UHRF1: variants seen among roughly 807,000 people sequenced by gnomAD.
UHRF1 encodes ubiquitin like with PHD and ring finger domains 1.
A neutral mutation model predicts 96.5 loss-of-function variants in UHRF1; 9 were observed. The observed-to-expected ratio is 0.09, with a 90% CI of 0.06 to 0.16. The LOEUF (loss-of-function observed/expected upper bound fraction) is 0.16, where lower values mean the gene tolerates loss of function less well. UHRF1 is among the 10% of genes least tolerant of loss of function. The pLI is 1.00. For synonymous variants in UHRF1, 455 were observed against 469.9 expected (o/e 0.97, Z 0.41); for missense variants, 626 against 1,131.1 (o/e 0.55, Z 6.40).
chr19:4,949,720 G>A (rs1374550238), intron 11 of UHRF1, among the ~76,000 whole-genome samples: 1 of 152,048 alleles, frequency 6.6e-6, no homozygotes, highest in African/African-American at 2.4e-5. Context: ...TGGGCCTATA[G>A]TCCCAGCTTG....
upstream of UHRF1, among the ~76,000 whole-genome samples, chr19:4,908,515 C>T (rs573985002): frequency 7.9e-5 from 12 of 152,218 alleles, no homozygotes; most frequent in East Asian, 2.3e-3. Context: ...CCTTCCTGCT[C>T]CCTGGACACC....
In UHRF1 at chr19:4,954,563, G is replaced by C; in HGVS notation, c.1957+75G>C. ...GTGGGCATCTCGCGGGTGTGGGGTT[G>C]AGGTCGTGTGGACGTGGGAGCCGGT... On this transcript the variant is annotated intron_variant, in intron 14 of 16. Transcript: ENST00000650932. The surrounding 1 kb of genome is among the most constrained non-coding windows in gnomAD (Gnocchi z 5.9). 1 of 1,586,442 alleles carries C rather than the reference G, an allele frequency of 6.3e-7. No individual in the cohort carries two copies. Among genetic ancestry groups the C allele is most frequent in the African/African-American group, 1.3e-5 (1 of 74,482 alleles).
chr19:4,949,375 T>C (rs2033656205), intron 11 of UHRF1, among the ~76,000 whole-genome samples: 2 of 151,418 alleles, frequency 1.3e-5, no homozygotes. Context: ...CTTGTCACTC[T>C]AACTCCGCTT....
rs146079052 is a variant in UHRF1 at position 4,936,171 on chromosome 19, C to T, written c.785+3215C>T. Among the ~76,000 whole-genome samples, 837 of 152,274 alleles carry T rather than the reference C, an allele frequency of 5.5e-3. 5 individuals carry two copies. Among genetic ancestry groups the T allele is most frequent in the African/African-American group, 0.019 (799 of 41,558 alleles). The stretch of plus-strand genomic sequence containing the variant: ...GCCTTGGGGCAGACACTGTCCCTTG[C>T]CAGCCCCATGGGAGCTTCCAGGGAT... On this transcript the variant is annotated intron_variant, in intron 5 of 16. Transcript: ENST00000650932.
chr19:4,905,777 A>G (rs2146265786), upstream of UHRF1, among the ~76,000 whole-genome samples: 1 of 152,222 alleles, frequency 6.6e-6, no homozygotes, highest in South Asian at 2.1e-4. Flanking sequence ...TTGGCCTCCC[A>G]AAGTTCTGGG....
intron 5 of UHRF1, among the ~76,000 whole-genome samples, chr19:4,938,181 T>C (rs2033273197): frequency 6.6e-6 from 1 of 151,938 alleles, no homozygotes; most frequent in African/African-American, 2.4e-5. Flanking sequence ...AGGGAAGCTT[T>C]ACTGAGGCCA....
chr19:4,911,852 G>C (rs1465251040), intron 2 of UHRF1, among the ~76,000 whole-genome samples: 1 of 152,076 alleles, frequency 6.6e-6, no homozygotes, highest in East Asian at 1.9e-4. Flanking sequence ...TGCTGGAGTT[G>C]GTTGGACCGT....
At chr19:4,938,808 C>T (rs960529742) in intron 5 of UHRF1, among the ~76,000 whole-genome samples, 1 of 134,464 alleles carries the variant, frequency 7.4e-6, no homozygotes, top group African/African-American at 2.8e-5. Context: ...CAATGGCAAG[C>T]TCTCAGTTCA....
chr19:4,908,622 TGA>T (rs370963279), upstream of UHRF1, among the ~76,000 whole-genome samples: 43 of 152,304 alleles, frequency 2.8e-4, 1 homozygote, highest in African/African-American at 1.0e-3. Context: ...TCATCTTCTC[TGA>T]GAGGCCCACC....
Position 4,954,232 on chromosome 19 carries a change from G to A in UHRF1, c.1819-118G>A. Reference sequence around the variant, plus strand: ...GGAGGACTACCCTGTGCTCTTCAGGGGGATTGGGGGTCAGGTGTGTCTGGA... The same window carrying A: ...GGAGGACTACCCTGTGCTCTTCAGGAGGATTGGGGGTCAGGTGTGTCTGGA... On this transcript the variant is annotated intron_variant, in intron 13 of 16. Coordinates refer to ENST00000650932, the MANE Select transcript of UHRF1 (RefSeq NM_001048201.3). The surrounding 1 kb of genome is among the most constrained non-coding windows in gnomAD (Gnocchi z 5.9). 3.4e-6 allele frequency: 5 copies of A among 1,474,940 alleles called. No individual in the cohort carries two copies. Among genetic ancestry groups the A allele is most frequent in the Non-Finnish European group, 4.6e-6 (5 of 1,093,538 alleles). 91.4% of individuals were successfully genotyped at this position (1,474,940 alleles called of 1,614,324 possible). A position where few individuals can be genotyped will look rare whatever the true frequency, so the allele number is the denominator to read the frequency against.
At chr19:4,956,879 C>G (rs752708889) in intron 16 of UHRF1, 66 bp downstream of exon 16, 1 of 1,101,360 alleles carries the variant, frequency 9.1e-7, no homozygotes, top group Admixed American at 2.0e-5. Flanking sequence ...CTCCCGTTCC[C>G]ACATGCCTGC....
At chr19:4,952,506 A>T (rs893149067) in intron 13 of UHRF1, among the ~76,000 whole-genome samples, 4 of 141,840 alleles carry the variant, frequency 2.8e-5, no homozygotes, top group African/African-American at 1.1e-4. Flanking sequence ...CGACTCTCTC[A>T]TCTCAGCCTC....
chr19:4,933,746 C>G (rs1019133761), intron 5 of UHRF1, among the ~76,000 whole-genome samples: 1 of 152,180 alleles, frequency 6.6e-6, no homozygotes, highest in African/African-American at 2.4e-5. Flanking sequence ...AGTCCACAGG[C>G]CTGCTGTGGT....
At chr19:4,937,070 CTT>C (rs1337470029) in intron 5 of UHRF1, among the ~76,000 whole-genome samples, 1 of 151,888 alleles carries the variant, frequency 6.6e-6, no homozygotes, top group Non-Finnish European at 1.5e-5. Context: ...GTCTCGCTCT[CTT>C]TTGTTCTCCA....
rs2033023774 is a variant in UHRF1, at chr19:4,930,775, G to A, written c.468G>A (p.Val156=). The A allele has an allele frequency of 6.2e-7, 1 of 1,614,002 alleles. No homozygotes were observed. Among genetic ancestry groups the A allele is most frequent in the Non-Finnish European group, 8.5e-7 (1 of 1,179,892 alleles). ...TNMGAWFEAQ[V]VRVTRKAPSR... Reference sequence around the variant, plus strand: ...TGGGGGCGTGGTTTGAGGCGCAGGTGGTCAGGGTGACGCGGAAGGCCCCCT... The same window carrying A: ...TGGGGGCGTGGTTTGAGGCGCAGGTAGTCAGGGTGACGCGGAAGGCCCCCT... Residue 156 remains valine (V), a synonymous_variant, in exon 4 of 17, where the codon GTG becomes GTA. Coordinates refer to ENST00000650932, the MANE Select transcript of UHRF1 (RefSeq NM_001048201.3). This position sits in a 1 kb window ranked among gnomAD's most constrained non-coding sequence, Gnocchi z 4.4.
intron 2 of UHRF1, among the ~76,000 whole-genome samples, chr19:4,911,522 A>G (rs1218428488): frequency 6.6e-6 from 1 of 152,034 alleles, no homozygotes; most frequent in African/African-American, 2.4e-5. Context: ...GCTTATTCAG[A>G]GTCTGGAGAT....
chr19:4,916,346 C>T (rs1194542033), intron 2 of UHRF1, among the ~76,000 whole-genome samples: 1 of 151,858 alleles, frequency 6.6e-6, no homozygotes, highest in Non-Finnish European at 1.5e-5. Flanking sequence ...CTGAGAAATT[C>T]AGAGCACAAG....
intron 15 of UHRF1, among the ~76,000 whole-genome samples, chr19:4,955,110 C>T (rs2033822928): frequency 1.3e-5 from 2 of 152,214 alleles, no homozygotes; most frequent in South Asian, 4.1e-4. Flanking sequence ...CCAGCTCCGG[C>T]ACCCCCTGCC....
At chr19:4,903,864 C>A (rs752599277) in intron 1 of UHRF1, among the ~76,000 whole-genome samples, 1 of 152,176 alleles carries the variant, frequency 6.6e-6, no homozygotes, top group East Asian at 1.9e-4. Flanking sequence ...TTGGAAAAAA[C>A]ATAGAGATAT....
Sources: gnomAD v4.1 joint callset for allele counts (sites outside exome capture counted in the v4.1 genomes callset) on GRCh38, gnomAD v4.1.1 for gene constraint, Gnocchi (gnomAD v3.1) non-coding constraint, MANE v1.5 for transcripts, NCBI Gene and HGNC (gene_info 2026-07-23, HGNC 2026-07-21) for gene names.